Variants in PCBD2 observed in about 807,000 individuals in gnomAD.
PCBD2 encodes the protein pterin-4 alpha-carbinolamine dehydratase 2.
A neutral mutation model predicts 16.4 loss-of-function variants in PCBD2; 12 were observed. The ratio of observed to expected loss-of-function variants is 0.73; its 90% confidence interval spans 0.47 to 1.19. PCBD2 has a LOEUF of 1.19. Ranked by LOEUF, PCBD2 falls within the 50% of genes most tolerant of loss-of-function variation. The pLI, the probability that PCBD2 is intolerant of heterozygous loss-of-function variation, is 0.00. For synonymous variants in PCBD2, 58 were observed against 61.8 expected (o/e 0.94, Z 0.29); for missense variants, 138 against 156.8 (o/e 0.88, Z 0.64).
intron 2 of PCBD2, among the ~76,000 whole-genome samples, chr5:134,935,071 A>C (rs967033582): frequency 6.6e-6 from 1 of 152,238 alleles, no homozygotes. Flanking sequence ...TGGCTACATT[A>C]AGATCGGAAA....
chr5:134,943,818 A>C (rs909602291), intron 2 of PCBD2, among the ~76,000 whole-genome samples: 1 of 152,232 alleles, frequency 6.6e-6, no homozygotes, highest in Non-Finnish European at 1.5e-5. Flanking sequence ...CATTGCTTTC[A>C]GTGGAGGGAT....
intron 2 of PCBD2, among the ~76,000 whole-genome samples, chr5:134,933,638 G>A (rs540481461): frequency 8.5e-5 from 13 of 152,310 alleles, no homozygotes; most frequent in Non-Finnish European, 1.8e-4. Context: ...CATCCTCACA[G>A]AAGAGGCTTT....
chr5:134,953,329 CTATA>C (rs978540912), intron 2 of PCBD2, among the ~76,000 whole-genome samples: 49 of 149,430 alleles, frequency 3.3e-4, no homozygotes, highest in African/African-American at 1.0e-3. Flanking sequence ...ACTATTATAA[CTATA>C]TATAGGTATA....
At chr5:134,922,663 CTT>C (rs1428418013) in intron 2 of PCBD2, among the ~76,000 whole-genome samples, 24 of 135,776 alleles carry the variant, frequency 1.8e-4, no homozygotes, top group Non-Finnish European at 1.5e-4. Flanking sequence ...GAAGGAAAAT[CTT>C]TTTTTTTTTT....
chr5:134,922,998 A>G (rs1388914699), intron 2 of PCBD2, among the ~76,000 whole-genome samples: 1 of 152,214 alleles, frequency 6.6e-6, no homozygotes, highest in African/African-American at 2.4e-5. Flanking sequence ...TCTTAACAGC[A>G]AATGGTTAGT....
intron 2 of PCBD2, among the ~76,000 whole-genome samples, chr5:134,957,513 C>T (rs568182015): frequency 2.1e-4 from 32 of 152,224 alleles, no homozygotes; most frequent in African/African-American, 7.5e-4. Context: ...TTAGAACAGA[C>T]TTTCATGGCT....
chr5:134,921,625 GTC>G (rs1428317779), intron 2 of PCBD2, among the ~76,000 whole-genome samples: 1 of 152,172 alleles, frequency 6.6e-6, no homozygotes, highest in Non-Finnish European at 1.5e-5. Flanking sequence ...GCAAACTCTT[GTC>G]TCTCTAACTG....
chr5:134,905,395 G>C, intron 1 of PCBD2, 172 bp downstream of exon 1: 1 of 482,698 alleles, frequency 2.1e-6, no homozygotes. Context: ...CCGGTGCGCC[G>C]CTCAGAGACC....
Position 134,913,519 on chromosome 5 carries a change from G to A in PCBD2, c.216+3053G>A, listed in dbSNP as rs151182027. On this transcript the variant is annotated intron_variant, in intron 2 of 3. Transcript: ENST00000254908. ...GGAGCAGGCGAGGAGACGAGGGGAA[G>A]GGTCAGAGCATGGGGGCCTTCTTGG... 2.0e-5 allele frequency among the ~76,000 whole-genome samples: 3 copies of A among 152,332 alleles called. No individual in the cohort carries two copies. In the East Asian group the frequency reaches 5.8e-4, roughly 29 times the overall value.
intron 2 of PCBD2, 151 bp downstream of exon 2, chr5:134,910,617 G>T: frequency 9.6e-7 from 1 of 1,046,440 alleles, no homozygotes; most frequent in Admixed American, 2.8e-5. Context: ...TGACATCCTT[G>T]TTGACAGTTG....
chr5:134,916,681 A>G (rs1750837409), intron 2 of PCBD2, among the ~76,000 whole-genome samples: 1 of 152,234 alleles, frequency 6.6e-6, no homozygotes, highest in Non-Finnish European at 1.5e-5. Context: ...AATAATCCAA[A>G]TTCATTGGAT....
At chr5:134,936,870 C>T (rs1023997093) in intron 2 of PCBD2, among the ~76,000 whole-genome samples, 1 of 152,164 alleles carries the variant, frequency 6.6e-6, no homozygotes, top group Admixed American at 6.5e-5. Context: ...CTCTTCAACT[C>T]AGAGATGAGT....
chr5:134,939,887 T>C (rs1751204595), intron 2 of PCBD2, among the ~76,000 whole-genome samples: 1 of 152,034 alleles, frequency 6.6e-6, no homozygotes, highest in Admixed American at 6.6e-5. Context: ...TCCTAAACAA[T>C]GTAATTGCTG....
chr5:134,912,894 A>G (rs1750785181), intron 2 of PCBD2, among the ~76,000 whole-genome samples: 2 of 152,196 alleles, frequency 1.3e-5, no homozygotes, highest in Admixed American at 1.3e-4. Context: ...GTCCTCATTC[A>G]TCTTTCATTT....
chr5:134,910,207 GGAAT>G, intron 1 of PCBD2, 124 bp from the exon 2 acceptor site: 1 of 1,017,294 alleles, frequency 9.8e-7, no homozygotes, highest in South Asian at 1.6e-5. Flanking sequence ...AGAGAACAAA[GGAAT>G]GAAAGATGGT....
intron 1 of PCBD2, among the ~76,000 whole-genome samples, chr5:134,906,194 ATTT>A (rs1158334317): frequency 9.0e-5 from 6 of 66,518 alleles, no homozygotes; most frequent in East Asian, 5.5e-4. Context: ...TAATAGAAGA[ATTT>A]TTTTTTTTTT....
At chr5:134,958,957 T>C in intron 2 of PCBD2, 83 bp from the exon 3 acceptor site, 1 of 1,046,034 alleles carries the variant, frequency 9.6e-7, no homozygotes, top group South Asian at 1.4e-5. Context: ...CCTGCCTTTA[T>C]GTGGTTGGAT....
chr5:134,941,078 G>GCA (rs1751221729), intron 2 of PCBD2, among the ~76,000 whole-genome samples: 1 of 140,862 alleles, frequency 7.1e-6, no homozygotes, highest in Admixed American at 7.6e-5. Flanking sequence ...TCACGCCACT[G>GCA]CACTCGAGCC....
chr5:134,946,085 A>G (rs1182316953), intron 2 of PCBD2, among the ~76,000 whole-genome samples: 1 of 151,128 alleles, frequency 6.6e-6, no homozygotes, highest in Non-Finnish European at 1.5e-5. Context: ...AAATAAATAT[A>G]CTTAAATAAG....
Sources: gnomAD v4.1 joint callset for allele counts (sites outside exome capture counted in the v4.1 genomes callset) on GRCh38, gnomAD v4.1.1 for gene constraint, MANE v1.5 for transcripts, NCBI Gene and HGNC (gene_info 2026-07-23, HGNC 2026-07-21) for gene names.